DMXL2: variants seen among roughly 807,000 people sequenced by gnomAD.
DMXL2 encodes the protein Dmx like 2, also known as dmX-like protein 2.
A neutral mutation model predicts 331.1 loss-of-function variants in DMXL2; 103 were observed. The ratio of observed to expected loss-of-function variants is 0.31; its 90% CI spans 0.27 to 0.37. The LOEUF (loss-of-function observed/expected upper bound fraction) is 0.37. DMXL2 is among the 10% of genes least tolerant of loss of function. The probability of loss-of-function intolerance (pLI) is 1.00; values close to 1 mark genes in which losing one functional copy is unlikely to be tolerated. For synonymous variants in DMXL2, 1,281 were observed against 1,252.1 expected, an observed-to-expected ratio of 1.02 and a Z score of -0.49; for missense variants, 3,171 against 3,642.9, an observed-to-expected ratio of 0.87 and a Z score of 3.33.
chr15:51,603,787 G>A (rs139372753), intron 1 of DMXL2: 1,780 of 152,042 alleles, frequency 0.012, 27 homozygotes, highest in East Asian at 0.026. Context: ...AGAATGGCGC[G>A]AACCCGGGAG....
At chr15:51,586,766 T>G (rs1423310393) in intron 1 of DMXL2, among the ~76,000 whole-genome samples, 2 of 152,058 alleles carry the variant, frequency 1.3e-5, no homozygotes, top group Non-Finnish European at 2.9e-5. Flanking sequence ...AAATGAGACC[T>G]TGAAAAGCAA....
intron 28 of DMXL2, among the ~76,000 whole-genome samples, chr15:51,472,242 AC>A (rs1273726429): frequency 6.6e-6 from 1 of 152,050 alleles, no homozygotes; most frequent in East Asian, 1.9e-4. Flanking sequence ...TATCTTCCCT[AC>A]CCCAGACACA....
At chr15:51,465,348 T>G (rs2040478041) in intron 31 of DMXL2, among the ~76,000 whole-genome samples, 1 of 152,114 alleles carries the variant, frequency 6.6e-6, no homozygotes, top group South Asian at 2.1e-4. Context: ...TGAGCTCTGA[T>G]CACACCACTG....
intron 6 of DMXL2, among the ~76,000 whole-genome samples, chr15:51,548,622 T>C (rs1259113492): frequency 2.6e-5 from 4 of 151,920 alleles, no homozygotes; most frequent in Non-Finnish European, 5.9e-5. Flanking sequence ...ACAATGGAAA[T>C]ACAAAGAGCC....
intron 1 of DMXL2, among the ~76,000 whole-genome samples, chr15:51,589,347 G>A (rs1425845649): frequency 6.6e-6 from 1 of 152,222 alleles, no homozygotes; most frequent in East Asian, 1.9e-4. Context: ...AAACAAAGCA[G>A]TTGATACTAC....
Position 51,483,553 on chromosome 15 carries a change from C to T in DMXL2, c.5483-1930G>A, listed in dbSNP as rs190011499. Among the ~76,000 whole-genome samples the T allele has an allele frequency of 4.6e-5, 7 of 152,326 alleles. No homozygotes were observed. The East Asian group carries it at 1.4e-3, about 29-fold the overall frequency. On this transcript the variant is annotated intron_variant, in intron 23 of 43. Coordinates refer to ENST00000560891, the MANE Select transcript of DMXL2 (RefSeq NM_001378457.1). ...CAAACCACTACATACATACCCTCCC[C>T]CAAATGGGAGAGGTCTCCAAGCCTA...
intron 13 of DMXL2, among the ~76,000 whole-genome samples, chr15:51,526,321 G>A (rs1011609987): frequency 6.6e-6 from 1 of 152,188 alleles, no homozygotes; most frequent in Non-Finnish European, 1.5e-5. Flanking sequence ...ACCTCGAAGA[G>A]TCTGCAAGAA....
chr15:51,547,473 TGAA>T, intron 6 of DMXL2, 65 bp from the exon 7 acceptor site: 1 of 1,221,798 alleles, frequency 8.2e-7, no homozygotes, highest in Non-Finnish European at 1.1e-6. Flanking sequence ...TTAAGTGGTT[TGAA>T]GAAGTTTTAA....
At chr15:51,547,515 G>T in intron 6 of DMXL2, 107 bp from the exon 7 acceptor site, 1 of 676,528 alleles carries the variant, frequency 1.5e-6, no homozygotes, top group Admixed American at 3.6e-5. Flanking sequence ...AAACTAATAT[G>T]TGACTTATAC....
intron 6 of DMXL2, among the ~76,000 whole-genome samples, chr15:51,555,487 T>C (rs554051046): frequency 1.1e-4 from 17 of 152,244 alleles, no homozygotes; most frequent in Non-Finnish European, 2.5e-4. Context: ...AGAAGAGCCC[T>C]GGGCACTCCA....
intron 16 of DMXL2, among the ~76,000 whole-genome samples, chr15:51,505,170 G>C (rs2043970088): frequency 6.6e-6 from 1 of 152,200 alleles, no homozygotes. Context: ...CACTACTGCA[G>C]TAAATTCAAG....
chr15:51,512,533 AGGCGTAGT>A (rs949866846), intron 15 of DMXL2, among the ~76,000 whole-genome samples: 1 of 152,220 alleles, frequency 6.6e-6, no homozygotes, highest in Non-Finnish European at 1.5e-5. Flanking sequence ...CAGGGGGGCC[AGGCGTAGT>A]GGCTCACGCC....
intron 6 of DMXL2, among the ~76,000 whole-genome samples, chr15:51,554,072 G>C (rs2049394655): frequency 6.6e-6 from 1 of 152,170 alleles, no homozygotes; most frequent in African/African-American, 2.4e-5. Context: ...GGAGGCAATA[G>C]GAAAACATGC....
intron 8 of DMXL2, among the ~76,000 whole-genome samples, chr15:51,544,951 C>A (rs2048811328): frequency 6.6e-6 from 1 of 151,982 alleles, no homozygotes; most frequent in Admixed American, 6.6e-5. Context: ...CAAAATAATG[C>A]ATATATCTCA....
At chr15:51,489,355 A>G (rs2042624903) in intron 20 of DMXL2, among the ~76,000 whole-genome samples, 3 of 152,124 alleles carry the variant, frequency 2.0e-5, no homozygotes, top group Middle Eastern at 3.2e-3. Flanking sequence ...AAATTACATC[A>G]TGAAAATGCT....
chr15:51,571,714 A>C (rs1426881960), intron 2 of DMXL2, among the ~76,000 whole-genome samples: 1 of 152,236 alleles, frequency 6.6e-6, no homozygotes, highest in Admixed American at 6.5e-5. Flanking sequence ...GAAGGCAGAA[A>C]TAAAAGATGT....
chr15:51,488,562 C>G lies in DMXL2; in HGVS notation c.5037G>C (p.Val1679=). ...FYLSMKKKAV[V]WGLFRSQHDE... Reference sequence around the variant, plus strand: ...AGGCAACTTACCTAAACAGACCCCACACTACTGCTTTCTTCTTCATTGAAA... The same window carrying G: ...AGGCAACTTACCTAAACAGACCCCAGACTACTGCTTTCTTCTTCATTGAAA... The change falls in exon 21 of 44, where the codon GTG becomes GTC. Residue 1679 remains valine, a synonymous_variant. Coordinates refer to ENST00000560891, the MANE Select transcript of DMXL2 (RefSeq NM_001378457.1). 1 of 1,613,530 alleles carries G rather than the reference C, an allele frequency of 6.2e-7. No homozygotes were observed. Among genetic ancestry groups the G allele is most frequent in the Non-Finnish European group, 8.5e-7 (1 of 1,179,820 alleles).
chr15:51,508,365 C>G (rs1304714952), intron 15 of DMXL2, among the ~76,000 whole-genome samples: 2 of 152,016 alleles, frequency 1.3e-5, no homozygotes, highest in African/African-American at 4.8e-5. Flanking sequence ...AAGGATGATT[C>G]CATTCTTGCA....
At chr15:51,480,254 C>T (rs1251578361) in intron 24 of DMXL2, 115 bp from the exon 25 acceptor site, 3 of 1,104,898 alleles carry the variant, frequency 2.7e-6, no homozygotes, top group Non-Finnish European at 3.8e-6. Flanking sequence ...CTCACTCATT[C>T]TACACAAATT....
Sources: gnomAD v4.1 joint callset for allele counts (sites outside exome capture counted in the v4.1 genomes callset) on GRCh38, gnomAD v4.1.1 for gene constraint, MANE v1.5 for transcripts, NCBI Gene and HGNC (gene_info 2026-07-23, HGNC 2026-07-21) for gene names.